PLXNA2: variants seen among roughly 807,000 people sequenced by gnomAD.
PLXNA2 encodes plexin-A2.
PLXNA2 carries 91 observed loss-of-function variants against 193.5 expected under a neutral mutation model. The observed-to-expected ratio is 0.47, with a 90% confidence interval of 0.40 to 0.56. PLXNA2 has a LOEUF of 0.56. Ranked by LOEUF, PLXNA2 falls within the 20% of genes least tolerant of loss-of-function variation. PLXNA2 has a pLI of 0.00. For synonymous variants in PLXNA2, 997 were observed against 1,027.3 expected (o/e 0.97, Z 0.56); for missense variants, 1,995 against 2,503.2 (o/e 0.80, Z 4.33).
At chr1:208,161,197 A>C (rs1669095564) in intron 3 of PLXNA2, among the ~76,000 whole-genome samples, 1 of 152,180 alleles carries the variant, frequency 6.6e-6, no homozygotes, top group Admixed American at 6.5e-5. Context: ...CTCTGGCAGA[A>C]AGCAGCAGGG....
chr1:208,091,847 C>T (rs933801643), intron 9 of PLXNA2, among the ~76,000 whole-genome samples: 9 of 134,474 alleles, frequency 6.7e-5, no homozygotes, highest in Admixed American at 1.6e-4. Flanking sequence ...TCCAGCCTGG[C>T]GATAGAGCGA....
intron 13 of PLXNA2, among the ~76,000 whole-genome samples, chr1:208,058,695 G>GAA (rs1210955041): frequency 3.9e-5 from 6 of 152,144 alleles, no homozygotes; most frequent in African/African-American, 1.4e-4. Context: ...GCCTCTGCAG[G>GAA]AATGCATGGG....
intron 3 of PLXNA2, among the ~76,000 whole-genome samples, chr1:208,209,440 A>G (rs1670852857): frequency 2.6e-5 from 4 of 152,226 alleles, no homozygotes; most frequent in South Asian, 4.1e-4. Context: ...GGACCAGGGA[A>G]AGGTGGCAGG....
rs373911029 is a variant in PLXNA2, at chr1:208,045,944, C to G, written c.3429G>C (p.Pro1143=). ...CAGTAGGGCTAAGCAGTTCAAAGGT[C>G]GGGTTGGGGTAGTAGATAAACTTGG... ...NDTKFIYYPN[P]TFELLSPTGV... is the part of the protein sequence containing the mutation. Residue 1143 remains proline (P), a synonymous_variant, in exon 18 of 32, where the codon CCG becomes CCC. Coordinates refer to ENST00000367033, the MANE Select transcript of PLXNA2 (RefSeq NM_025179.4). The G allele has an allele frequency of 6.2e-7, 1 of 1,614,214 alleles. No homozygotes were observed.
chr1:208,104,042 G>A (rs1328833396), intron 4 of PLXNA2, among the ~76,000 whole-genome samples: 1 of 152,164 alleles, frequency 6.6e-6, no homozygotes, highest in Non-Finnish European at 1.5e-5. Flanking sequence ...GGGGGCCAGA[G>A]GACTGAAGTG....
chr1:208,155,099 G>T (rs549384747), intron 3 of PLXNA2, among the ~76,000 whole-genome samples: 7 of 152,220 alleles, frequency 4.6e-5, no homozygotes, highest in South Asian at 2.1e-4. Context: ...GAGGAGGAGC[G>T]GGAGGCAGCA....
intron 4 of PLXNA2, among the ~76,000 whole-genome samples, chr1:208,126,464 C>A (rs1208293229): frequency 6.6e-6 from 1 of 152,166 alleles, no homozygotes; most frequent in African/African-American, 2.4e-5. Flanking sequence ...TATTGGAAAA[C>A]TGAAGATCTT....
chr1:208,122,251 A>G (rs17011979), intron 4 of PLXNA2, among the ~76,000 whole-genome samples: 1,753 of 152,290 alleles, frequency 0.012, 53 homozygotes, highest in East Asian at 0.091. Flanking sequence ...ACCCCATCAA[A>G]TTACTTCTAT....
chr1:208,048,834 G>A (rs1216234109), intron 17 of PLXNA2, among the ~76,000 whole-genome samples: 1 of 152,172 alleles, frequency 6.6e-6, no homozygotes, highest in Non-Finnish European at 1.5e-5. Flanking sequence ...TTGACATCTG[G>A]GGCCTTGCTG....
intron 12 of PLXNA2, among the ~76,000 whole-genome samples, chr1:208,069,023 C>A (rs1175684689): frequency 6.6e-6 from 1 of 152,192 alleles, no homozygotes; most frequent in East Asian, 1.9e-4. Flanking sequence ...CTCAGGCTAG[C>A]AGCCCTAAAC....
chr1:208,078,634 C>T (rs764604863), intron 12 of PLXNA2, among the ~76,000 whole-genome samples: 1 of 152,202 alleles, frequency 6.6e-6, no homozygotes, highest in Non-Finnish European at 1.5e-5. Flanking sequence ...ACAGCAACTC[C>T]TCTCCCAGGC....
intron 12 of PLXNA2, 97 bp from the exon 13 acceptor site, chr1:208,060,934 T>A: frequency 2.8e-6 from 3 of 1,060,296 alleles, no homozygotes; most frequent in Non-Finnish European, 4.1e-6. Context: ...AGAACCTCCA[T>A]AGGTTCTTAA....
At chr1:208,180,565 G>A (rs550955790) in intron 3 of PLXNA2, among the ~76,000 whole-genome samples, 6 of 152,214 alleles carry the variant, frequency 3.9e-5, no homozygotes, top group Non-Finnish European at 8.8e-5. Context: ...CAGGCACCGC[G>A]TTACACCCTC....
In PLXNA2 at chr1:208,026,652, C is replaced by CTTTTTTT. The variant is rs34577290; in HGVS notation, c.*584_*590dup. ...TCATCATTCTTCTTCTCCTCTTTCT[C>CTTTTTTT]TTTTTTTTTTTTTTTTTAATTTCAA... On this transcript the variant is annotated 3_prime_UTR_variant, in exon 32 of 32. Coordinates refer to ENST00000367033, the MANE Select transcript of PLXNA2 (RefSeq NM_025179.4). 2.8e-5 allele frequency: 4 copies of CTTTTTTT among 140,802 alleles called. No individual in the cohort carries two copies. The highest frequency in any genetic ancestry group is 6.1e-5 in the Non-Finnish European group (4 of 65,216). 8.7% of individuals were successfully genotyped at this position (140,802 alleles called of 1,614,324 possible). A position where few individuals can be genotyped will look rare whatever the true frequency, so the allele number is the denominator to read the frequency against.
intron 3 of PLXNA2, among the ~76,000 whole-genome samples, chr1:208,180,235 T>A (rs1179239300): frequency 1.3e-5 from 2 of 150,426 alleles, no homozygotes; most frequent in East Asian, 2.0e-4. Context: ...GGTGGAGTGG[T>A]AGGAGAGTAA....
rs1664256680 is a variant in PLXNA2 at position 208,023,750 on chromosome 1, A to G, written c.*3493T>C. 1 of 152,206 alleles carries G rather than the reference A, an allele frequency of 6.6e-6. No homozygotes were observed. The highest frequency in any genetic ancestry group is 2.4e-5 in the African/African-American group (1 of 41,444). 9.4% of individuals were successfully genotyped at this position (152,206 alleles called of 1,614,324 possible). ...AGGAACCAGCTTCCTGAAGGATATAAATTCGCTGGAAGAAAGACCTTGGTT... is the reference window on the plus strand; with the variant it reads ...AGGAACCAGCTTCCTGAAGGATATAGATTCGCTGGAAGAAAGACCTTGGTT... On this transcript the variant is annotated 3_prime_UTR_variant, in exon 32 of 32. Transcript: ENST00000367033.
chr1:208,142,023 G>A (rs1394264684), intron 4 of PLXNA2, among the ~76,000 whole-genome samples: 2 of 152,232 alleles, frequency 1.3e-5, no homozygotes, highest in Non-Finnish European at 2.9e-5. Flanking sequence ...GTGGGCCTGA[G>A]AGCAGTAAAT....
intron 3 of PLXNA2, among the ~76,000 whole-genome samples, chr1:208,149,703 G>A (rs754068176): frequency 2.6e-5 from 4 of 152,010 alleles, no homozygotes; most frequent in Non-Finnish European, 5.9e-5. Context: ...AGCATTTGGT[G>A]CTGCGAGAGA....
intron 4 of PLXNA2, among the ~76,000 whole-genome samples, chr1:208,114,088 CT>C (rs1433285464): frequency 2.0e-5 from 3 of 152,122 alleles, no homozygotes; most frequent in Non-Finnish European, 4.4e-5. Context: ...AAAGTGGGGC[CT>C]TTAGGACATC....
Sources: allele counts gnomAD v4.1 joint callset (sites outside exome capture counted in the v4.1 genomes callset), GRCh38; gene constraint gnomAD v4.1.1; transcripts MANE v1.5; gene names NCBI Gene and HGNC (gene_info 2026-07-23, HGNC 2026-07-21).